Variants in GPR158 observed in about 807,000 individuals in gnomAD.
GPR158 encodes metabotropic glycine receptor.
GPR158 carries 30 observed loss-of-function variants against 78.2 expected under a neutral mutation model. The observed-to-expected ratio is 0.38, with a 90% confidence interval of 0.29 to 0.52. The LOEUF (loss-of-function observed/expected upper bound fraction) is 0.52, where lower values mean the gene tolerates loss of function less well. Ranked by LOEUF, GPR158 falls within the 20% of genes least tolerant of loss-of-function variation. GPR158 has a pLI of 0.83. For synonymous variants in GPR158, 581 were observed against 591.1 expected, an observed-to-expected ratio of 0.98 and a Z score of 0.25; for missense variants, 1,463 against 1,523.5, an observed-to-expected ratio of 0.96 and a Z score of 0.66.
At chr10:25,353,017 A>G (rs1855496070) in intron 2 of GPR158, among the ~76,000 whole-genome samples, 1 of 152,056 alleles carries the variant, frequency 6.6e-6, no homozygotes, top group Non-Finnish European at 1.5e-5. Flanking sequence ...TATATTCTAG[A>G]GCTTTGCTTA....
At chr10:25,372,229 G>C (rs1445822690) in intron 2 of GPR158, among the ~76,000 whole-genome samples, 1 of 151,974 alleles carries the variant, frequency 6.6e-6, no homozygotes, top group Non-Finnish European at 1.5e-5. Flanking sequence ...AGAGGATGTG[G>C]AGAAATAGGA....
intron 2 of GPR158, among the ~76,000 whole-genome samples, chr10:25,348,729 C>T (rs1855411587): frequency 6.6e-6 from 1 of 151,916 alleles, no homozygotes; most frequent in Non-Finnish European, 1.5e-5. Flanking sequence ...ATAAATTTTT[C>T]CCTATCAGCA....
chr10:25,393,541 T>G (rs1040324879), intron 2 of GPR158: 1 of 152,186 alleles, frequency 6.6e-6, no homozygotes, highest in Non-Finnish European at 1.5e-5. Context: ...GATCCTTTGA[T>G]TCTTTCTTTC....
At chr10:25,291,099 G>A (rs925524735) in intron 2 of GPR158, among the ~76,000 whole-genome samples, 2 of 151,792 alleles carry the variant, frequency 1.3e-5, no homozygotes, top group Admixed American at 6.6e-5. Context: ...TATAATTTTT[G>A]TATTGTGAAT....
chr10:25,245,431 C>A (rs1361158838), intron 2 of GPR158, among the ~76,000 whole-genome samples: 1 of 151,968 alleles, frequency 6.6e-6, no homozygotes, highest in Admixed American at 6.6e-5. Flanking sequence ...AAAAAAAAAA[C>A]TAACTCCTGA....
chr10:25,213,596 G>A (rs1853164699), intron 1 of GPR158, among the ~76,000 whole-genome samples: 1 of 151,650 alleles, frequency 6.6e-6, no homozygotes, highest in Non-Finnish European at 1.5e-5. Context: ...GCCCTCATGT[G>A]GTTTGGAATA....
intron 2 of GPR158, among the ~76,000 whole-genome samples, chr10:25,348,190 G>A (rs1855401152): frequency 6.6e-6 from 1 of 151,706 alleles, no homozygotes; most frequent in African/African-American, 2.4e-5. Flanking sequence ...AGGTTATATA[G>A]GTTTTCATGT....
chr10:25,282,249 C>T (rs1854285966), intron 2 of GPR158, among the ~76,000 whole-genome samples: 1 of 152,052 alleles, frequency 6.6e-6, no homozygotes, highest in African/African-American at 2.4e-5. Context: ...TTCAGCCTGG[C>T]TTCTTTTATT....
At chr10:25,541,215 A>T (rs185495003) in intron 5 of GPR158, among the ~76,000 whole-genome samples, 100 of 152,054 alleles carry the variant, frequency 6.6e-4, no homozygotes, top group African/African-American at 2.0e-3. Flanking sequence ...ACTAGTGAGG[A>T]CTTGCCAATC....
chr10:25,464,043 A>G (rs1050386365), intron 4 of GPR158, among the ~76,000 whole-genome samples: 4 of 152,178 alleles, frequency 2.6e-5, no homozygotes, highest in Non-Finnish European at 2.9e-5. Flanking sequence ...GCGCATTTTG[A>G]ACAGGACTTA....
At chr10:25,576,116 A>ATAC (rs1482363031) in intron 7 of GPR158, among the ~76,000 whole-genome samples, 1 of 151,964 alleles carries the variant, frequency 6.6e-6, no homozygotes, top group African/African-American at 2.4e-5. Context: ...GATGAATTGT[A>ATAC]TACTGGTGAA....
chr10:25,481,290 A>G (rs1197738947), intron 5 of GPR158, among the ~76,000 whole-genome samples: 1 of 152,122 alleles, frequency 6.6e-6, no homozygotes, highest in Non-Finnish European at 1.5e-5. Context: ...CCGCAGTGTC[A>G]TGGTGTGGCC....
At chr10:25,462,117 G>T (rs1488584118) in intron 4 of GPR158, among the ~76,000 whole-genome samples, 1 of 152,036 alleles carries the variant, frequency 6.6e-6, no homozygotes, top group Non-Finnish European at 1.5e-5. Context: ...TTTTGTTAGG[G>T]GCAAATGCAA....
intron 3 of GPR158, among the ~76,000 whole-genome samples, chr10:25,401,446 G>A (rs755530486): frequency 1.3e-5 from 2 of 151,980 alleles, no homozygotes; most frequent in Non-Finnish European, 2.9e-5. Context: ...AGGGACTAAT[G>A]AAAAATGCGA....
chr10:25,359,409 GC>G (rs1428441567), intron 2 of GPR158, among the ~76,000 whole-genome samples: 11 of 151,728 alleles, frequency 7.2e-5, no homozygotes, highest in Admixed American at 7.2e-4. Flanking sequence ...CCCTCCCTTA[GC>G]CCCCCAACCC....
At chr10:25,437,459 C>G (rs1392890902) in intron 4 of GPR158, among the ~76,000 whole-genome samples, 1 of 152,164 alleles carries the variant, frequency 6.6e-6, no homozygotes. Context: ...CTCCTGGGCT[C>G]AAGCATTCTA....
At chr10:25,417,504 T>G (rs562981008) in intron 4 of GPR158, among the ~76,000 whole-genome samples, 1 of 152,296 alleles carries the variant, frequency 6.6e-6, no homozygotes, top group East Asian at 1.9e-4. Flanking sequence ...AAATCTATTT[T>G]TTCTCCTGGA....
At chr10:25,315,829 C>T (rs1237147375) in intron 2 of GPR158, among the ~76,000 whole-genome samples, 5 of 151,028 alleles carry the variant, frequency 3.3e-5, no homozygotes, top group African/African-American at 1.2e-4. Context: ...GCCTTTAGAC[C>T]CTGTTGTTAA....
At position 25,287,405 on chromosome 10, in the gene GPR158, C is replaced by G. The variant is rs543628817; in HGVS notation, c.1008+66248C>G. On this transcript the variant is annotated intron_variant, in intron 2 of 10. Transcript: ENST00000376351. ...TTTTTTTGAGTCTTTTTTTATTATC[C>G]CCCTTCATTTCATGTCCAAAGCCTT... Among the ~76,000 whole-genome samples the G allele has an allele frequency of 2.0e-5, 3 of 151,866 alleles. No individual in the cohort carries two copies. In the East Asian group the frequency reaches 5.8e-4, roughly 29 times the overall value.
Sources: gnomAD v4.1 joint callset for allele counts (sites outside exome capture counted in the v4.1 genomes callset) on GRCh38, gnomAD v4.1.1 for gene constraint, MANE v1.5 for transcripts, NCBI Gene and HGNC (gene_info 2026-07-23, HGNC 2026-07-21) for gene names.